Variants in NEK11 observed in about 807,000 individuals in gnomAD.
NEK11 encodes NIMA related kinase 11.
NEK11 carries 72 observed loss-of-function variants against 80.7 expected under a neutral mutation model. The ratio of observed to expected loss-of-function variants is 0.89; its 90% CI spans 0.74 to 1.08. The LOEUF is 1.08. NEK11 is among the 50% of genes least tolerant of loss of function. The probability of loss-of-function intolerance (pLI) is 0.00; values close to 1 mark genes in which losing one functional copy is unlikely to be tolerated. For missense variants in NEK11, 764 were observed against 763.6 expected, an observed-to-expected ratio of 1.00 and a Z score of -0.01; for synonymous variants, 251 against 260.7, an observed-to-expected ratio of 0.96 and a Z score of 0.36.
At chr3:131,054,922 G>T (rs2069163392) in intron 3 of NEK11, among the ~76,000 whole-genome samples, 1 of 152,118 alleles carries the variant, frequency 6.6e-6, no homozygotes, top group Non-Finnish European at 1.5e-5. Context: ...GGTACAGTTG[G>T]GCAGTTTTTT....
intron 14 of NEK11, among the ~76,000 whole-genome samples, chr3:131,217,284 T>A (rs1275554672): frequency 6.6e-6 from 1 of 152,184 alleles, no homozygotes; most frequent in African/African-American, 2.4e-5. Context: ...AGAGTCAGTT[T>A]TTTTTCTTTA....
intron 3 of NEK11, among the ~76,000 whole-genome samples, chr3:131,058,130 A>G (rs1463308862): frequency 4.2e-4 from 64 of 152,246 alleles, no homozygotes; most frequent in African/African-American, 1.5e-3. Context: ...TCCCAGCACC[A>G]TTTATTAAAT....
At chr3:131,033,748 A>G (rs1166267625) in intron 3 of NEK11, among the ~76,000 whole-genome samples, 1 of 152,218 alleles carries the variant, frequency 6.6e-6, no homozygotes, top group African/African-American at 2.4e-5. Context: ...TTACATTTTT[A>G]TTCACTTTCT....
At chr3:131,183,016 A>T (rs1242535005) in intron 14 of NEK11, among the ~76,000 whole-genome samples, 2 of 152,226 alleles carry the variant, frequency 1.3e-5, no homozygotes, top group African/African-American at 4.8e-5. Context: ...TATGGTGTCT[A>T]GTCAAATAAA....
rs184803112 is a variant in NEK11, at chr3:131,079,526, T to C, written c.171-897T>C. 4.2e-3 allele frequency among the ~76,000 whole-genome samples: 636 copies of C among 152,340 alleles called. 6 individuals are homozygous for C. Among genetic ancestry groups the C allele is most frequent in the African/African-American group, 0.014 (599 of 41,576 alleles). ...CATCAGACTGTGTCTGCAAACATAA[T>C]TGGTGTTCTAAAGTATTTTTTCCTA... On this transcript the variant is annotated intron_variant, in intron 3 of 17. Coordinates refer to ENST00000383366, the MANE Select transcript of NEK11 (RefSeq NM_024800.5).
intron 5 of NEK11, among the ~76,000 whole-genome samples, chr3:131,113,068 G>A (rs533543681): frequency 7.1e-4 from 108 of 152,216 alleles, no homozygotes; most frequent in African/African-American, 2.3e-3. Context: ...AAACCAAGCT[G>A]GCAGAGGTGG....
chr3:131,243,998 C>G (rs1179030285), intron 16 of NEK11, among the ~76,000 whole-genome samples: 1 of 151,498 alleles, frequency 6.6e-6, no homozygotes, highest in African/African-American at 2.4e-5. Context: ...TTAGTTTCTT[C>G]TATTTTTTTT....
chr3:131,273,522 C>A lies in NEK11; in HGVS notation c.1666C>A (p.Pro556Thr), dbSNP rs1452183571. Residue 556 changes from proline to threonine, a missense_variant, in exon 17 of 18, where the codon CCA becomes ACA. Pro to Thr is a conservative substitution (Grantham distance 38). Coordinates refer to ENST00000383366, the MANE Select transcript of NEK11 (RefSeq NM_024800.5). ...CATGGCTGAAGACATGTCCCCAGGACCACCAATTTTCAACAGTGTGATGGC... is the reference window on the plus strand; with the variant it reads ...CATGGCTGAAGACATGTCCCCAGGAACACCAATTTTCAACAGTGTGATGGC... ...TTMAEDMSPG[P>T]PIFNSVMART... 1 of 1,614,064 alleles carries A rather than the reference C, an allele frequency of 6.2e-7. No homozygotes were observed. Among genetic ancestry groups the A allele is most frequent in the South Asian group, 1.1e-5 (1 of 91,090 alleles).
chr3:131,285,222 A>G (rs1185991961), intron 17 of NEK11, among the ~76,000 whole-genome samples: 2 of 152,170 alleles, frequency 1.3e-5, no homozygotes, highest in East Asian at 3.9e-4. Context: ...TCATGTGGAA[A>G]GGTTTCTGGG....
chr3:131,231,418 A>G (rs1344741061), intron 15 of NEK11, among the ~76,000 whole-genome samples: 1 of 146,120 alleles, frequency 6.8e-6, no homozygotes, highest in Non-Finnish European at 1.5e-5. Flanking sequence ...ATATATATTG[A>G]CCTAGAATGG....
At chr3:131,210,378 G>A (rs1191263097) in intron 14 of NEK11, among the ~76,000 whole-genome samples, 1 of 152,198 alleles carries the variant, frequency 6.6e-6, no homozygotes, top group Non-Finnish European at 1.5e-5. Context: ...TTGCTGAGGA[G>A]TGCTTTACTT....
At chr3:131,290,298 G>T (rs1421483491) in intron 17 of NEK11, among the ~76,000 whole-genome samples, 3 of 152,184 alleles carry the variant, frequency 2.0e-5, no homozygotes, top group African/African-American at 4.8e-5. Flanking sequence ...CTTCACCAGT[G>T]TCAGGTCAAA....
At chr3:131,121,951 C>T (rs1964083) in intron 5 of NEK11, among the ~76,000 whole-genome samples, 23,244 of 152,180 alleles carry the variant, frequency 0.15, 1,849 homozygotes, top group Non-Finnish European at 0.17. Context: ...GGTGATGCCC[C>T]GCCCTGCTTC....
At chr3:131,152,247 G>T in intron 7 of NEK11, 141 bp from the exon 8 acceptor site, 1 of 595,600 alleles carries the variant, frequency 1.7e-6, no homozygotes, top group Non-Finnish European at 2.8e-6. Flanking sequence ...AAAACTGTAT[G>T]AAACTGCAGT....
intron 16 of NEK11, among the ~76,000 whole-genome samples, chr3:131,268,616 A>T (rs1280807609): frequency 6.6e-6 from 1 of 152,174 alleles, no homozygotes; most frequent in Non-Finnish European, 1.5e-5. Context: ...GAACAGCAGC[A>T]ATTGCTGCCT....
Position 131,162,506 on chromosome 3 carries a change from A to T in NEK11, c.1061A>T (p.Asp354Val). The change falls in exon 11 of 18, where the codon GAT becomes GTT. Residue 354 changes from aspartate to valine, a missense_variant. Asp to Val is a radical substitution (Grantham distance 152). Coordinates refer to ENST00000383366, the MANE Select transcript of NEK11 (RefSeq NM_024800.5). ...CGGCTGAGGAAGCTCCAGGCGGCTG[A>T]TGAGAAAGCCAGGAAGCTGAAGTAA... Reference protein sequence around the residue: ...RMRLRKLQAADEKARKLKKIV... With the variant: ...RMRLRKLQAAVEKARKLKKIV... The T allele has an allele frequency of 6.2e-7, 1 of 1,614,152 alleles. No homozygotes were observed. Among genetic ancestry groups the T allele is most frequent in the South Asian group, 1.1e-5 (1 of 91,088 alleles).
At chr3:131,165,124 A>G (rs2092076950) in intron 11 of NEK11, among the ~76,000 whole-genome samples, 1 of 152,198 alleles carries the variant, frequency 6.6e-6, no homozygotes, top group African/African-American at 2.4e-5. Flanking sequence ...TGTGCTAGGC[A>G]TTGGGAACAC....
chr3:131,276,074 G>A (rs1002895831), intron 17 of NEK11, among the ~76,000 whole-genome samples: 19 of 152,132 alleles, frequency 1.2e-4, no homozygotes, highest in Admixed American at 1.1e-3. Flanking sequence ...AATTTGGAGA[G>A]GTAAAGAAAA....
intron 14 of NEK11, among the ~76,000 whole-genome samples, chr3:131,187,866 A>G (rs1445684778): frequency 6.6e-6 from 1 of 152,230 alleles, no homozygotes; most frequent in Non-Finnish European, 1.5e-5. Flanking sequence ...CCACAGTGAA[A>G]GACAAAGCTT....
Sources: gnomAD v4.1 joint callset for allele counts (sites outside exome capture counted in the v4.1 genomes callset) on GRCh38, gnomAD v4.1.1 for gene constraint, MANE v1.5 for transcripts, NCBI Gene and HGNC (gene_info 2026-07-23, HGNC 2026-07-21) for gene names.